Variants in LRP1B observed in about 807,000 individuals in gnomAD.
The protein encoded by LRP1B is low-density lipoprotein receptor-related protein 1B.
LRP1B carries 217 observed loss-of-function variants against 556.6 expected under a neutral mutation model. The observed-to-expected ratio is 0.39, with a 90% CI of 0.35 to 0.44. LRP1B has a LOEUF of 0.44. Ranked by LOEUF, LRP1B falls within the 20% of genes least tolerant of loss-of-function variation. The pLI is 1.00. For synonymous variants in LRP1B, 2,047 were observed against 1,865.8 expected, an observed-to-expected ratio of 1.10 and a Z score of -2.50; for missense variants, 5,053 against 5,620.8, an observed-to-expected ratio of 0.90 and a Z score of 3.23.
At chr2:142,015,322 C>A (rs780329828) in intron 1 of LRP1B, among the ~76,000 whole-genome samples, 1 of 152,062 alleles carries the variant, frequency 6.6e-6, no homozygotes, top group South Asian at 2.1e-4. Flanking sequence ...TAGCGATATG[C>A]AGAAAACTGA....
At chr2:142,034,226 C>T (rs12617257) in intron 1 of LRP1B, among the ~76,000 whole-genome samples, 12,781 of 151,790 alleles carry the variant, frequency 0.084, 1,234 homozygotes, top group African/African-American at 0.23. Flanking sequence ...ACACTGACAA[C>T]TCTTAAAAAT....
At chr2:141,556,026 A>G (rs1685949782) in intron 2 of LRP1B, among the ~76,000 whole-genome samples, 1 of 151,822 alleles carries the variant, frequency 6.6e-6, no homozygotes, top group African/African-American at 2.4e-5. Context: ...AGAGTTTTAT[A>G]GCCTAATCCA....
intron 1 of LRP1B, among the ~76,000 whole-genome samples, chr2:142,116,192 CAAAA>C (rs70994477): frequency 1.5e-5 from 1 of 65,454 alleles, no homozygotes; most frequent in African/African-American, 6.7e-5. Context: ...GAGTCTGTCT[CAAAA>C]AAAAAAAAAA....
intron 1 of LRP1B, among the ~76,000 whole-genome samples, chr2:142,071,568 T>C (rs1705312322): frequency 6.6e-6 from 1 of 152,040 alleles, no homozygotes; most frequent in Non-Finnish European, 1.5e-5. Flanking sequence ...TATAAGTACA[T>C]TTGAACATAT....
At position 141,220,214 on chromosome 2, in the gene LRP1B, G is replaced by A. The variant is rs538900473; in HGVS notation, c.850+8969C>T. 7.2e-5 allele frequency among the ~76,000 whole-genome samples: 11 copies of A among 152,252 alleles called. No homozygotes were observed. In the East Asian group the frequency reaches 2.1e-3, roughly 29 times the overall value. On this transcript the variant is annotated intron_variant, in intron 6 of 90. Transcript: ENST00000389484. Reference sequence around the variant, plus strand: ...CAGGAGATGTTAACCAGAATAACCAGTTTAGACAGGAACATAAATGACCTG... The same window carrying A: ...CAGGAGATGTTAACCAGAATAACCAATTTAGACAGGAACATAAATGACCTG...
chr2:141,643,032 A>G (rs960744461), intron 2 of LRP1B, among the ~76,000 whole-genome samples: 15 of 152,176 alleles, frequency 9.9e-5, no homozygotes, highest in African/African-American at 3.4e-4. Context: ...GAAAAATGTG[A>G]TGAAAGAATA....
intron 1 of LRP1B, among the ~76,000 whole-genome samples, chr2:142,043,491 A>C (rs970920083): frequency 6.6e-6 from 1 of 151,618 alleles, no homozygotes; most frequent in Non-Finnish European, 1.5e-5. Flanking sequence ...GATAGGTCTA[A>C]AGAATTTAGA....
chr2:140,696,731 G>C (rs1341979819), intron 41 of LRP1B, among the ~76,000 whole-genome samples: 1 of 152,074 alleles, frequency 6.6e-6, no homozygotes, highest in African/African-American at 2.4e-5. Context: ...GAGGGATCCA[G>C]ATTGTGTGCT....
chr2:141,200,024 C>G (rs1681933696), intron 6 of LRP1B, among the ~76,000 whole-genome samples: 1 of 152,150 alleles, frequency 6.6e-6, no homozygotes, highest in African/African-American at 2.4e-5. Flanking sequence ...GGCAATTCCT[C>G]AAAGAGCTAA....
chr2:141,724,213 T>C (rs1200829988), intron 2 of LRP1B, among the ~76,000 whole-genome samples: 12 of 151,880 alleles, frequency 7.9e-5, no homozygotes, highest in African/African-American at 2.9e-4. Flanking sequence ...CTCATAGATA[T>C]ATACAAGCAG....
At chr2:141,824,281 T>C (rs1402305544) in intron 1 of LRP1B, among the ~76,000 whole-genome samples, 6 of 152,172 alleles carry the variant, frequency 3.9e-5, no homozygotes, top group Non-Finnish European at 8.8e-5. Flanking sequence ...TAAAACTGTT[T>C]AGAGAGTTAA....
At chr2:142,044,947 A>T (rs756798473) in intron 1 of LRP1B, among the ~76,000 whole-genome samples, 3 of 151,806 alleles carry the variant, frequency 2.0e-5, no homozygotes, top group Admixed American at 6.6e-5. Context: ...CCAATTTTGT[A>T]TAGACAGCCT....
At chr2:141,484,805 G>A (rs534751552) in intron 2 of LRP1B, among the ~76,000 whole-genome samples, 27 of 152,052 alleles carry the variant, frequency 1.8e-4, no homozygotes, top group Admixed American at 3.3e-4. Flanking sequence ...ATTTTTGTAC[G>A]TTGATTTTGT....
Position 140,514,753 on chromosome 2 carries a change from G to C in LRP1B, c.8169C>G (p.Asn2723Lys), listed in dbSNP as rs760469203. The C allele has an allele frequency of 1.5e-5, 24 of 1,610,078 alleles. No homozygotes were observed. The highest frequency in any genetic ancestry group is 2.0e-5 in the Non-Finnish European group (23 of 1,177,622). Residue 2723 changes from asparagine (N) to lysine (K), a missense_variant, in exon 51 of 91, where the codon AAC (asparagine) becomes AAG (lysine). Around this residue, in one of 5 missense-constraint regions of LRP1B, gnomAD observed 3,619 missense variants for 3,931.9 expected, o/e 0.92. Coordinates refer to ENST00000389484, the MANE Select transcript of LRP1B (RefSeq NM_018557.3). ...ATTTTTGTGCGGAACAAGCAAATTG[G>C]TTCCAAGAGCAAGAAGAATCTAGGA... is the stretch of plus-strand genomic sequence containing the variant. ...EFHCDSSCSW[N>K]QFACSAQKCI...
intron 3 of LRP1B, among the ~76,000 whole-genome samples, chr2:141,426,260 G>C (rs11679671): frequency 6.6e-6 from 1 of 151,476 alleles, no homozygotes; most frequent in Non-Finnish European, 1.5e-5. Context: ...TGAGGGCTCT[G>C]TTCTGTTCCA....
intron 5 of LRP1B, among the ~76,000 whole-genome samples, chr2:141,233,422 C>A (rs1343027279): frequency 6.6e-6 from 1 of 152,078 alleles, no homozygotes; most frequent in African/African-American, 2.4e-5. Context: ...TATTTGTGCT[C>A]TGTATGATCA....
At chr2:141,492,091 A>AAAAAAAAAAAAACC (rs67960557) in intron 2 of LRP1B, among the ~76,000 whole-genome samples, 34 of 100,192 alleles carry the variant, frequency 3.4e-4, no homozygotes, top group South Asian at 6.5e-4. Context: ...AAAAAAAAAA[A>AAAAAAAAAAAAACC]CACTAAGAAA....
At chr2:141,474,967 T>C (rs1682642712) in intron 3 of LRP1B, among the ~76,000 whole-genome samples, 1 of 152,230 alleles carries the variant, frequency 6.6e-6, no homozygotes, top group South Asian at 2.1e-4. Flanking sequence ...TTGCTAGTGA[T>C]ATAAAAGGTA....
intron 27 of LRP1B, among the ~76,000 whole-genome samples, chr2:140,859,366 A>G (rs1692717693): frequency 6.6e-6 from 1 of 152,278 alleles, no homozygotes; most frequent in East Asian, 1.9e-4. Context: ...TAAGGAGTGA[A>G]TTAGTGAGGG....
Sources: allele counts gnomAD v4.1 joint callset (sites outside exome capture counted in the v4.1 genomes callset), GRCh38; gene constraint gnomAD v4.1.1; regional missense constraint gnomAD v4.1.1; transcripts MANE v1.5; gene names NCBI Gene and HGNC (gene_info 2026-07-23, HGNC 2026-07-21).